Variants in ZNF888 observed in about 807,000 individuals in gnomAD.
ZNF888 encodes CTD-2331H12.6.
Under a neutral mutation model 7.2 loss-of-function variants are expected in ZNF888, and 5 were observed. The observed-to-expected ratio is 0.70, with a 90% CI of 0.36 to 1.46. ZNF888 has a LOEUF of 1.46. Ranked by LOEUF, ZNF888 falls within the 40% of genes most tolerant of loss-of-function variation. The pLI is 0.03. For synonymous variants in ZNF888, 240 were observed against 284.3 expected (o/e 0.84, Z 1.57); for missense variants, 716 against 858.0 (o/e 0.83, Z 2.07).
At chr19:52,909,059 T>G (rs1477322000) in intron 4 of ZNF888, among the ~76,000 whole-genome samples, 1 of 151,196 alleles carries the variant, frequency 6.6e-6, no homozygotes, top group African/African-American at 2.4e-5. Context: ...GCAGGAGAAT[T>G]GCTTGAACCC....
intron 4 of ZNF888, among the ~76,000 whole-genome samples, chr19:52,913,043 G>T (rs2064704677): frequency 6.6e-6 from 1 of 152,156 alleles, no homozygotes; most frequent in East Asian, 1.9e-4. Flanking sequence ...GGAGATGGAG[G>T]TTGTAGTGAG....
chr19:52,909,889 T>C (rs1247736507), intron 4 of ZNF888, among the ~76,000 whole-genome samples: 3 of 151,860 alleles, frequency 2.0e-5, no homozygotes, highest in Non-Finnish European at 4.4e-5. Context: ...TGGCCAGGCA[T>C]GGTGGCTCAT....
In ZNF888 at chr19:52,920,874, C is replaced by G. The variant is rs1444231303; in HGVS notation, c.-177-1937G>C. On this transcript the variant is annotated intron_variant, in intron 1 of 4. Transcript: ENST00000638862. ...ACCTTGGGCATGTGTTCCTGGGACC[C>G]CCTGAGGCTGTGTCACAGGTCAGGG... Among the ~76,000 whole-genome samples the G allele has an allele frequency of 2.5e-4, 5 of 20,120 alleles. 2 individuals carry two copies. Among genetic ancestry groups the G allele is most frequent in the Non-Finnish European group, 4.1e-4 (3 of 7,404 alleles). 13.2% of individuals were successfully genotyped at this position (20,120 alleles called of 152,430 possible).
intron 1 of ZNF888, among the ~76,000 whole-genome samples, chr19:52,923,013 C>G (rs778107406): frequency 2.0e-5 from 3 of 152,128 alleles, no homozygotes; most frequent in Non-Finnish European, 4.4e-5. Context: ...CAGCGCTGGG[C>G]TCCAGGGGCC....
In ZNF888 at chr19:52,907,404, C is replaced by T. The variant is rs182241015; in HGVS notation, c.918G>A (p.Thr306=). ...KPYKCNECGK[T]FSDKSALLVH... ...CTAAGAGGGCTGACTTGTCACTGAACGTCTTGCCACACTCATTACACTTGT... is the reference window on the plus strand; with the variant it reads ...CTAAGAGGGCTGACTTGTCACTGAATGTCTTGCCACACTCATTACACTTGT... The change falls in exon 5 of 5, where the codon ACG becomes ACA. Residue 306 remains threonine (T), a synonymous_variant. Transcript: ENST00000638862. The T allele has an allele frequency of 6.5e-4, 1,051 of 1,612,076 alleles. 11 individuals carry two copies. Among genetic ancestry groups the T allele is most frequent in the Non-Finnish European group, 4.8e-5 (56 of 1,178,856 alleles).
At chr19:52,916,578 C>T (rs1228051293) in intron 3 of ZNF888, among the ~76,000 whole-genome samples, 6 of 143,666 alleles carry the variant, frequency 4.2e-5, no homozygotes, top group Non-Finnish European at 7.5e-5. Context: ...TACATACATA[C>T]ACATATATAT....
At position 52,910,415 on chromosome 19, in the gene ZNF888, G is replaced by A. The variant is rs112981423; in HGVS notation, c.143-2236C>T. On this transcript the variant is annotated intron_variant, in intron 4 of 4. Transcript: ENST00000638862. The stretch of plus-strand genomic sequence containing the variant: ...GAACCTGGGAGGCGGAGGATGCAGT[G>A]AGCCGAGACCATGCTACTGCACTCC... Among the ~76,000 whole-genome samples the A allele has an allele frequency of 1.0e-2, 1,519 of 152,280 alleles. 13 individuals carry two copies. Among genetic ancestry groups the A allele is most frequent in the Non-Finnish European group, 0.014 (976 of 68,028 alleles).
At chr19:52,908,208 C>T in intron 4 of ZNF888, 29 bp from the exon 5 acceptor site, 1 of 1,586,936 alleles carries the variant, frequency 6.3e-7, no homozygotes, top group Non-Finnish European at 8.7e-7. Flanking sequence ...AATAGTTTTC[C>T]AATTCAGTAC....
At position 52,919,232 on chromosome 19, in the gene ZNF888, A is replaced by G. The variant is rs1268726850; in HGVS notation, c.-177-295T>C. Among the ~76,000 whole-genome samples the G allele has an allele frequency of 1.2e-4, 5 of 42,772 alleles. 2 individuals carry two copies. The highest frequency in any genetic ancestry group is 8.6e-4 in the South Asian group (1 of 1,164). 28.1% of individuals were successfully genotyped at this position (42,772 alleles called of 152,430 possible). On this transcript the variant is annotated intron_variant, in intron 1 of 4. Transcript: ENST00000638862. ...TCTGATGCCGAGCCAAGGCTGGACTATACTGCTGCCATCTCGGCTCACTGC... is the reference window on the plus strand; with the variant it reads ...TCTGATGCCGAGCCAAGGCTGGACTGTACTGCTGCCATCTCGGCTCACTGC...
chr19:52,912,283 T>G (rs190432162), intron 4 of ZNF888, among the ~76,000 whole-genome samples: 3,092 of 149,216 alleles, frequency 0.021, 130 homozygotes, highest in African/African-American at 0.073. Flanking sequence ...CCGGCTAATT[T>G]TTTGTATTTT....
chr19:52,923,334 G>A (rs2064843706), intron 1 of ZNF888, 35 bp downstream of exon 1: 7 of 985,806 alleles, frequency 7.1e-6, no homozygotes, highest in Non-Finnish European at 8.4e-6. Context: ...GGGACCTGGA[G>A]GCACAGCCTC....
At chr19:52,912,163 G>T (rs2064689531) in intron 4 of ZNF888, among the ~76,000 whole-genome samples, 1 of 146,032 alleles carries the variant, frequency 6.8e-6, no homozygotes, top group Non-Finnish European at 1.5e-5. Context: ...ACCCAGGCTG[G>T]AGTGTCGTGG....
rs183544376 is a variant in ZNF888 at position 52,906,484 on chromosome 19, T to C, written c.1838A>G (p.Lys613Arg). The change falls in exon 5 of 5, where the codon AAA becomes AGA. Residue 613 changes from lysine to arginine, a missense_variant. Coordinates refer to ENST00000638862, the MANE Select transcript of ZNF888 (RefSeq NM_001393938.1). ...AAGGTGTGATTTGATATTGAAAACT[T>C]TGTCACATTCTTCACATTTGTAAGG... is the stretch of plus-strand genomic sequence containing the variant. ...EKPYKCEECDKVFNIKSHLEI... is the reference protein window; with the variant it reads ...EKPYKCEECDRVFNIKSHLEI... 2.9e-4 allele frequency: 473 copies of C among 1,613,616 alleles called. No individual in the cohort carries two copies. In the African/African-American group the frequency reaches 5.3e-3, roughly 18 times the overall value.
chr19:52,921,914 A>G (rs1252256541), intron 1 of ZNF888, among the ~76,000 whole-genome samples: 1 of 152,188 alleles, frequency 6.6e-6, no homozygotes, highest in Non-Finnish European at 1.5e-5. Flanking sequence ...GGGCAACAAG[A>G]GCAAAACTGC....
intron 4 of ZNF888, among the ~76,000 whole-genome samples, chr19:52,911,247 A>G (rs2064674161): frequency 6.6e-6 from 1 of 152,124 alleles, no homozygotes; most frequent in African/African-American, 2.4e-5. Context: ...TCCTGACCTC[A>G]AGCAATCTGC....
Position 52,907,938 on chromosome 19 carries a change from C to G in ZNF888, c.384G>C (p.Arg128Ser), listed in dbSNP as rs779625012. ...ATTTAATAGGCTTGTTTCCAGCATG[C>G]CTTTGATCATATTGGTCTGTACTAC... Reference protein sequence around the residue: ...LTGSTDQYDQRHAGNKPIKYQ... With the variant: ...LTGSTDQYDQSHAGNKPIKYQ... Residue 128 changes from arginine (R) to serine (S), a missense_variant, in exon 5 of 5, where the codon AGG becomes AGC. Coordinates refer to ENST00000638862, the MANE Select transcript of ZNF888 (RefSeq NM_001393938.1). 1.1e-5 allele frequency: 17 copies of G among 1,613,996 alleles called. No individual in the cohort carries two copies. Among genetic ancestry groups the G allele is most frequent in the Non-Finnish European group, 1.4e-5 (16 of 1,180,020 alleles).
chr19:52,915,502 T>C (rs935403423), intron 3 of ZNF888, among the ~76,000 whole-genome samples, 180 bp from the exon 4 acceptor site: 1 of 55,928 alleles, frequency 1.8e-5, no homozygotes, highest in Non-Finnish European at 4.3e-5. Context: ...TGAGATGGAG[T>C]GTCGCCCTGT....
intron 4 of ZNF888, among the ~76,000 whole-genome samples, chr19:52,912,236 C>T (rs1177389640): frequency 6.6e-6 from 1 of 150,778 alleles, no homozygotes; most frequent in Non-Finnish European, 1.5e-5. Context: ...GCCTCAGCCT[C>T]CCGAGTAGCT....
In ZNF888 at chr19:52,907,848, T is replaced by C. The variant is rs546466768; in HGVS notation, c.474A>G (p.Lys158=). Residue 158 remains lysine (K), a synonymous_variant, in exon 5 of 5, where the codon AAA becomes AAG. Transcript: ENST00000638862. ...PELHIFQPEG[K]IGNQLEKSIN... ...TAGACTTCTCAAGTTGATTACCAAT[T>C]TTCCCTTCGGGCTGAAATATGTGCA... 2.5e-6 allele frequency: 4 copies of C among 1,614,200 alleles called. No homozygotes were observed. In the South Asian group the frequency reaches 3.3e-5, roughly 13 times the overall value.
Sources: allele counts gnomAD v4.1 joint callset (sites outside exome capture counted in the v4.1 genomes callset), GRCh38; gene constraint gnomAD v4.1.1; transcripts MANE v1.5; gene names NCBI Gene and HGNC (gene_info 2026-07-23, HGNC 2026-07-21).